The following PKHD1 variants were observed in gnomAD, a reference collection of about 807,000 sequenced individuals.
PKHD1 encodes the protein PKHD1 ciliary IPT domain containing fibrocystin/polyductin.
In PKHD1, 291 loss-of-function variants were observed where a neutral mutation model predicts 412.0. The ratio of observed to expected loss-of-function variants is 0.71; its 90% CI spans 0.64 to 0.78. PKHD1 has a LOEUF of 0.78. Ranked by LOEUF, PKHD1 falls within the 30% of genes least tolerant of loss-of-function variation. PKHD1 has a pLI of 0.00. For missense variants in PKHD1, 4,825 were observed against 4,950.7 expected (o/e 0.97, Z 0.76); for synonymous variants, 1,777 against 1,821.5 (o/e 0.98, Z 0.62).
chr6:51,728,373 C>T (rs1251984494), intron 60 of PKHD1, among the ~76,000 whole-genome samples: 3 of 152,172 alleles, frequency 2.0e-5, no homozygotes, highest in Non-Finnish European at 2.9e-5. Flanking sequence ...TTCTGCATTC[C>T]AAATCTTTCC....
At chr6:51,841,852 T>G (rs987242574) in intron 50 of PKHD1, among the ~76,000 whole-genome samples, 13 of 152,230 alleles carry the variant, frequency 8.5e-5, no homozygotes, top group Non-Finnish European at 8.8e-5. Flanking sequence ...AGCAGCCTGC[T>G]TGGCTCCAGG....
chr6:51,921,141 T>C (rs1050691035), intron 37 of PKHD1, among the ~76,000 whole-genome samples: 1 of 152,206 alleles, frequency 6.6e-6, no homozygotes, highest in Non-Finnish European at 1.5e-5. Flanking sequence ...CCTCTGATCT[T>C]AGTGATTTCT....
At chr6:51,798,531 G>GCCTTT (rs1794941384) in intron 52 of PKHD1, among the ~76,000 whole-genome samples, 1 of 152,102 alleles carries the variant, frequency 6.6e-6, no homozygotes, top group Admixed American at 6.6e-5. Context: ...AGGTCACCTA[G>GCCTTT]CCTTTCTCTG....
chr6:51,703,388 CT>C (rs1779674866), intron 60 of PKHD1, among the ~76,000 whole-genome samples: 1 of 151,790 alleles, frequency 6.6e-6, no homozygotes, highest in African/African-American at 2.4e-5. Flanking sequence ...ATTTTTTTTA[CT>C]AAGTCTATCA....
chr6:52,053,286 G>C, intron 20 of PKHD1, 35 bp from the exon 21 acceptor site: 1 of 1,608,992 alleles, frequency 6.2e-7, no homozygotes. Context: ...TGGGCTCTCA[G>C]GGAGCACTTG....
chr6:51,868,778 T>C (rs1019517492), intron 47 of PKHD1, among the ~76,000 whole-genome samples: 2 of 152,072 alleles, frequency 1.3e-5, no homozygotes, highest in African/African-American at 4.8e-5. Flanking sequence ...CTTGGGCAAA[T>C]AGTATTAGTA....
intron 35 of PKHD1, among the ~76,000 whole-genome samples, chr6:51,966,838 G>A (rs1422653862): frequency 2.0e-5 from 3 of 152,120 alleles, no homozygotes; most frequent in Admixed American, 2.0e-4. Flanking sequence ...GATCAGAAGT[G>A]CCAGGGTAGG....
chr6:51,770,099 T>C (rs1375560996), intron 55 of PKHD1, among the ~76,000 whole-genome samples: 1 of 151,760 alleles, frequency 6.6e-6, no homozygotes, highest in Admixed American at 6.6e-5. Context: ...ATATTATTCA[T>C]GTTCTTCTTG....
chr6:51,986,248 G>A (rs1019627570), intron 35 of PKHD1, among the ~76,000 whole-genome samples: 1 of 152,194 alleles, frequency 6.6e-6, no homozygotes, highest in Non-Finnish European at 1.5e-5. Flanking sequence ...TCATGAATAT[G>A]ACTAATGAGA....
chr6:51,842,783 TG>T (rs1407836517), intron 50 of PKHD1, among the ~76,000 whole-genome samples: 2 of 152,140 alleles, frequency 1.3e-5, no homozygotes. Flanking sequence ...TCTGATGCTT[TG>T]GGGGACCCAG....
intron 51 of PKHD1, among the ~76,000 whole-genome samples, chr6:51,834,803 A>G (rs755482903): frequency 6.6e-6 from 1 of 152,162 alleles, no homozygotes; most frequent in Non-Finnish European, 1.5e-5. Context: ...AGGTAGGAAA[A>G]CTGGCTAGAT....
chr6:51,914,835 C>T (rs1286916100), intron 37 of PKHD1, among the ~76,000 whole-genome samples: 1 of 152,022 alleles, frequency 6.6e-6, no homozygotes, highest in Non-Finnish European at 1.5e-5. Flanking sequence ...TCGTCCTTTC[C>T]GCTCATGTCC....
intron 13 of PKHD1, among the ~76,000 whole-genome samples, chr6:52,063,013 C>T: frequency 6.6e-6 from 1 of 152,102 alleles, no homozygotes; most frequent in East Asian, 1.9e-4. Flanking sequence ...TGGCTTTGTG[C>T]TTCCCAAAGC....
chr6:51,833,751 T>C (rs1433815822), intron 51 of PKHD1, among the ~76,000 whole-genome samples: 1 of 151,998 alleles, frequency 6.6e-6, no homozygotes, highest in Non-Finnish European at 1.5e-5. Flanking sequence ...CATATTACAG[T>C]GGATTGAGGA....
At chr6:51,736,655 G>C (rs1042040664) in intron 60 of PKHD1, among the ~76,000 whole-genome samples, 2 of 152,142 alleles carry the variant, frequency 1.3e-5, no homozygotes, top group Admixed American at 6.5e-5. Flanking sequence ...CTTGGGAAAA[G>C]AGAATGGTAT....
chr6:51,699,588 G>A (rs1348313236), intron 60 of PKHD1, among the ~76,000 whole-genome samples: 1 of 152,054 alleles, frequency 6.6e-6, no homozygotes, highest in African/African-American at 2.4e-5. Flanking sequence ...TAAACAACCT[G>A]GACCAGGGCT....
rs927522383 is a variant in PKHD1 at position 51,886,901 on chromosome 6, G to T, written c.7109+232C>A. Among the ~76,000 whole-genome samples the T allele has an allele frequency of 2.0e-5, 3 of 152,182 alleles. 1 individual carries two copies. Among genetic ancestry groups the T allele is most frequent in the South Asian group, 4.1e-4 (2 of 4,826 alleles). On this transcript the variant is annotated intron_variant, in intron 44 of 66. Coordinates refer to ENST00000371117, the MANE Select transcript of PKHD1 (RefSeq NM_138694.4). ...GATAGATATGTTTGTGACACAGATG[G>T]TGATGATGGTTGCAGGGGTGTATAC... is the stretch of plus-strand genomic sequence containing the variant.
chr6:52,045,073 G>T lies in PKHD1; in HGVS notation c.2608C>A (p.Leu870Ile). The change falls in exon 25 of 67, where the codon CTT (leucine) becomes ATT (isoleucine). Residue 870 changes from leucine to isoleucine, a missense_variant. Physicochemically the swap from Leu to Ile is conservative, Grantham distance 5. Transcript: ENST00000371117. Reference sequence around the variant, plus strand: ...GCTGCAGCAGGATTCACTCCAGTAAGGTTTTCATCAGAGACCTGAGATGGT... The same window carrying T: ...GCTGCAGCAGGATTCACTCCAGTAATGTTTTCATCAGAGACCTGAGATGGT... ...PNFIRVSDENLTGVNPAAATR... is the reference protein window; with the variant it reads ...PNFIRVSDENITGVNPAAATR... The T allele has an allele frequency of 6.2e-7, 1 of 1,613,404 alleles. No homozygotes were observed. The highest frequency in any genetic ancestry group is 8.5e-7 in the Non-Finnish European group (1 of 1,179,456).
At chr6:52,017,890 C>T (rs189467541) in intron 33 of PKHD1, among the ~76,000 whole-genome samples, 11 of 152,310 alleles carry the variant, frequency 7.2e-5, no homozygotes, top group Admixed American at 6.5e-5. Flanking sequence ...TTATAATACA[C>T]TTAAATCTGT....
Sources: gnomAD v4.1 joint callset for allele counts (sites outside exome capture counted in the v4.1 genomes callset) on GRCh38, gnomAD v4.1.1 for gene constraint, MANE v1.5 for transcripts, NCBI Gene and HGNC (gene_info 2026-07-23, HGNC 2026-07-21) for gene names.